Variants in DPH6 observed in about 807,000 individuals in gnomAD.
The protein encoded by DPH6 is diphthine--ammonia ligase.
Under a neutral mutation model 38.2 loss-of-function variants are expected in DPH6, and 33 were observed. The ratio of observed to expected loss-of-function variants is 0.86; its 90% CI spans 0.65 to 1.15. DPH6 has a LOEUF of 1.15. Ranked by LOEUF, DPH6 falls within the 50% of genes most tolerant of loss-of-function variation. The pLI is 0.00. For missense variants in DPH6, 325 were observed against 320.0 expected (o/e 1.02, Z -0.12); for synonymous variants, 108 against 103.0 (o/e 1.05, Z -0.30).
chr15:35,520,480 A>T (rs1280316371), intron 3 of DPH6: 1 of 984,188 alleles, frequency 1.0e-6, no homozygotes, highest in Non-Finnish European at 1.2e-6. Context: ...TCTCTCACAT[A>T]ATTCCTGTTA....
chr15:35,161,272 A>G, the DPH6 span, among the ~76,000 whole-genome samples: 2 of 151,464 alleles, frequency 1.3e-5, no homozygotes, highest in Non-Finnish European at 3.0e-5. Context: ...GAATCCGCCA[A>G]CTCTTTTAGT....
At chr15:35,405,528 C>T (rs975775374) in intron 6 of DPH6, among the ~76,000 whole-genome samples, 27 of 152,130 alleles carry the variant, frequency 1.8e-4, no homozygotes, top group African/African-American at 3.4e-4. Context: ...TATAGACATG[C>T]TATTGATTTT....
rs1168284659 is a variant in DPH6 at position 35,242,968 on chromosome 15, A to G, written n.201-22386T>C. On this transcript the variant is annotated intron_variant and non_coding_transcript_variant, in intron 3 of 3. Transcript: ENST00000560386. ...GTCACAGCTGATATCTCCTCGTGCT[A>G]TCCTCAAACTGCCACTCTTAACTCT... 1.1e-4 allele frequency among the ~76,000 whole-genome samples: 15 copies of G among 142,252 alleles called. 2 individuals are homozygous for G. The South Asian group carries it at 3.0e-3, about 28-fold the overall frequency. The allele number at this position is 142,252 out of a possible 152,430, so 93.3% of individuals were successfully genotyped here.
intron 3 of DPH6, among the ~76,000 whole-genome samples, chr15:35,221,971 C>T: frequency 6.6e-6 from 1 of 152,166 alleles, no homozygotes; most frequent in African/African-American, 2.4e-5. Flanking sequence ...TTCCATAAAG[C>T]CCTGGGCCAT....
chr15:35,401,043 C>A (rs1266160712), intron 6 of DPH6: 1 of 882,978 alleles, frequency 1.1e-6, no homozygotes, highest in Admixed American at 1.7e-5. Flanking sequence ...AGAAGAACAT[C>A]ACCTAAGAGA....
At chr15:35,284,223 A>G (rs978472870) in intron 3 of DPH6, among the ~76,000 whole-genome samples, 4 of 152,166 alleles carry the variant, frequency 2.6e-5, no homozygotes, top group Non-Finnish European at 4.4e-5. Flanking sequence ...CAACCTAATA[A>G]GCATACAATA....
intron 6 of DPH6, among the ~76,000 whole-genome samples, chr15:35,410,533 T>C (rs777830758): frequency 6.6e-6 from 1 of 151,778 alleles, no homozygotes; most frequent in South Asian, 2.1e-4. Flanking sequence ...AACTATCAGA[T>C]ACTTTAATAG....
At chr15:35,445,471 C>T (rs1011853282) in intron 5 of DPH6, among the ~76,000 whole-genome samples, 1 of 149,018 alleles carries the variant, frequency 6.7e-6, no homozygotes. Context: ...CTGCCTGGAT[C>T]CACTTATATA....
chr15:35,227,171 C>CTTT (rs1566843969), intron 3 of DPH6, among the ~76,000 whole-genome samples: 2 of 115,860 alleles, frequency 1.7e-5, no homozygotes, highest in African/African-American at 6.5e-5. Flanking sequence ...GTTATAACAT[C>CTTT]TTCTTTTTTT....
intron 3 of DPH6, among the ~76,000 whole-genome samples, chr15:35,477,917 C>T (rs1206911160): frequency 6.6e-6 from 1 of 151,900 alleles, no homozygotes; most frequent in Non-Finnish European, 1.5e-5. Flanking sequence ...TAGCTATTAT[C>T]AATTTCCCAA....
intron 3 of DPH6, chr15:35,237,279 T>C (rs1250138658): frequency 2.6e-6 from 4 of 1,514,202 alleles, no homozygotes; most frequent in Middle Eastern, 1.7e-4. Context: ...GGCCGTGTTA[T>C]TGATTGAATT....
chr15:35,491,894 A>G (rs1336329474), intron 3 of DPH6, among the ~76,000 whole-genome samples: 3 of 151,694 alleles, frequency 2.0e-5, no homozygotes, highest in African/African-American at 7.3e-5. Context: ...GTACATATAT[A>G]TATCTCTTAT....
the DPH6 span, among the ~76,000 whole-genome samples, chr15:35,195,654 A>G: frequency 6.6e-6 from 1 of 152,178 alleles, no homozygotes; most frequent in Admixed American, 6.5e-5. Flanking sequence ...ACAGACAATT[A>G]AAGTATTTAA....
intron 6 of DPH6, among the ~76,000 whole-genome samples, chr15:35,392,827 T>TGGAAGGG (rs1473915289): frequency 6.6e-6 from 1 of 152,068 alleles, no homozygotes; most frequent in Non-Finnish European, 1.5e-5. Context: ...CCCTGAAAGA[T>TGGAAGGG]GGAAGGGGGA....
At chr15:35,540,043 A>G (rs1205444309) in intron 2 of DPH6, among the ~76,000 whole-genome samples, 1 of 152,140 alleles carries the variant, frequency 6.6e-6, no homozygotes, top group Non-Finnish European at 1.5e-5. Context: ...ATATTGATAC[A>G]ATCAAACCAA....
intron 3 of DPH6, chr15:35,298,725 T>C (rs1891491682): frequency 1.3e-6 from 2 of 1,582,406 alleles, no homozygotes; most frequent in Admixed American, 1.7e-5. Context: ...TACTTCTGTA[T>C]GATCTTGTGC....
At chr15:35,354,921 A>G (rs2052546319) in intron 3 of DPH6, among the ~76,000 whole-genome samples, 1 of 152,102 alleles carries the variant, frequency 6.6e-6, no homozygotes, top group Non-Finnish European at 1.5e-5. Context: ...TGGGAATCTA[A>G]GTCTCTTCGT....
At chr15:35,185,724 C>CTTTTTTTTTTTTTTTTTTTT in the DPH6 span, among the ~76,000 whole-genome samples, 2 of 83,016 alleles carry the variant, frequency 2.4e-5, no homozygotes, top group Non-Finnish European at 2.5e-5. Context: ...CCAATCCACT[C>CTTTTTTTTTTTTTTTTTTTT]TTTTTTTTTT....
chr15:35,231,745 C>A (rs2051519457), intron 3 of DPH6, among the ~76,000 whole-genome samples: 1 of 152,146 alleles, frequency 6.6e-6, no homozygotes, highest in African/African-American at 2.4e-5. Flanking sequence ...GGCTCGGCTT[C>A]TGGTGAGGCC....
Sources: gnomAD v4.1 joint callset for allele counts (sites outside exome capture counted in the v4.1 genomes callset) on GRCh38, gnomAD v4.1.1 for gene constraint, MANE v1.5 for transcripts, NCBI Gene and HGNC (gene_info 2026-07-23, HGNC 2026-07-21) for gene names.